RFWD3: variants seen among roughly 807,000 people sequenced by gnomAD.
The protein encoded by RFWD3 is E3 ubiquitin-protein ligase RFWD3.
RFWD3 carries 65 observed loss-of-function variants against 87.7 expected under a neutral mutation model. The ratio of observed to expected loss-of-function variants is 0.74; its 90% CI spans 0.61 to 0.91. The LOEUF is 0.91. RFWD3 is among the 40% of genes least tolerant of loss of function. The pLI, the probability that RFWD3 is intolerant of heterozygous loss-of-function variation, is 0.00. For missense variants in RFWD3, 1,078 were observed against 938.5 expected (o/e 1.15, Z -1.94); for synonymous variants, 433 against 352.8 (o/e 1.23, Z -2.55).
intron 4 of RFWD3, among the ~76,000 whole-genome samples, chr16:74,646,224 A>C (rs1960129527): frequency 6.6e-6 from 1 of 151,816 alleles, no homozygotes; most frequent in Non-Finnish European, 1.5e-5. Context: ...AAAATTTAAA[A>C]AATTAGCCAT....
At chr16:74,643,367 G>C (rs931113584) in intron 6 of RFWD3, among the ~76,000 whole-genome samples, 2 of 152,096 alleles carry the variant, frequency 1.3e-5, no homozygotes, top group Admixed American at 6.5e-5. Context: ...ATTGTATTCT[G>C]TTCATGCATA....
chr16:74,649,256 G>A, intron 3 of RFWD3, 54 bp from the exon 4 acceptor site: 1 of 1,316,582 alleles, frequency 7.6e-7, no homozygotes, highest in Non-Finnish European at 1.0e-6. Context: ...AATAAGATAT[G>A]TCAGGTATGA....
intron 2 of RFWD3, among the ~76,000 whole-genome samples, chr16:74,653,498 AAAAG>A (rs1177240834): frequency 2.0e-5 from 3 of 152,054 alleles, no homozygotes; most frequent in East Asian, 1.9e-4. Context: ...TTCAAAAAAA[AAAAG>A]AAGAAGAAAA....
At chr16:74,652,945 T>C (rs1396877675) in intron 2 of RFWD3, among the ~76,000 whole-genome samples, 4 of 152,126 alleles carry the variant, frequency 2.6e-5, no homozygotes, top group African/African-American at 4.8e-5. Context: ...CCTCCCAAAA[T>C]GCTGGAATTG....
rs1567585057 is a variant in RFWD3, at chr16:74,656,327, A to AAAAAG, written c.519-4210_519-4206dup. ...TCTTGCCAAAAAAAAAAAAAAAAAA[A>AAAAAG]AAAAGAAAAGAAAAGAAATATTTTG... On this transcript the variant is annotated intron_variant, in intron 2 of 12. Coordinates refer to ENST00000361070, the MANE Select transcript of RFWD3 (RefSeq NM_018124.4). Among the ~76,000 whole-genome samples the AAAAAG allele has an allele frequency of 5.9e-5, 9 of 151,290 alleles. 1 individual carries two copies. The highest frequency in any genetic ancestry group is 5.9e-5 in the Non-Finnish European group (4 of 67,866).
In RFWD3 at chr16:74,644,446, T is replaced by C. The variant is rs747206941; in HGVS notation, c.995A>G (p.Lys332Arg). The C allele has an allele frequency of 5.0e-6, 8 of 1,614,146 alleles. No homozygotes were observed. Among genetic ancestry groups the C allele is most frequent in the African/African-American group, 4.0e-5 (3 of 74,942 alleles). ...GACAATGTCACTGTGCCTGGCTTTC[T>C]TGTTGCACTAAAGAACCCAATAGGA... is the stretch of plus-strand genomic sequence containing the variant. ...GQVRKCPQCNKKARHSDIVVL... is the reference protein window; with the variant it reads ...GQVRKCPQCNRKARHSDIVVL... Residue 332 changes from lysine to arginine, a missense_variant, in exon 6 of 13, where the codon AAG becomes AGG. By Grantham distance (26) the Lys-to-Arg change is conservative. Coordinates refer to ENST00000361070, the MANE Select transcript of RFWD3 (RefSeq NM_018124.4).
chr16:74,660,004 G>T (rs1177697210), intron 2 of RFWD3, among the ~76,000 whole-genome samples: 1 of 151,814 alleles, frequency 6.6e-6, no homozygotes, highest in Non-Finnish European at 1.5e-5. Context: ...GCAGTGAGCT[G>T]TGATTGCACC....
chr16:74,624,186 A>C, intron 12 of RFWD3, 115 bp from the exon 13 acceptor site: 3 of 1,256,590 alleles, frequency 2.4e-6, no homozygotes, highest in Middle Eastern at 5.5e-4. Flanking sequence ...CCTGGAGAGC[A>C]AAGCAGGCTG....
chr16:74,664,723 C>T (rs1961740577), intron 1 of RFWD3: 1 of 149,498 alleles, frequency 6.7e-6, no homozygotes, highest in African/African-American at 2.5e-5. Flanking sequence ...CACTCCAGAC[C>T]GGGAGAGAGA....
At chr16:74,632,399 C>CA in intron 9 of RFWD3, 124 bp downstream of exon 9, 1 of 1,172,794 alleles carries the variant, frequency 8.5e-7, no homozygotes, top group East Asian at 2.5e-5. Context: ...CTCAAAAAAA[C>CA]AAAACAAAAC....
At chr16:74,650,481 T>A (rs1960477816) in intron 3 of RFWD3, among the ~76,000 whole-genome samples, 1 of 152,020 alleles carries the variant, frequency 6.6e-6, no homozygotes, top group African/African-American at 2.4e-5. Flanking sequence ...CCTATTTTTT[T>A]AAGATGCTAA....
intron 1 of RFWD3, among the ~76,000 whole-genome samples, chr16:74,662,965 C>A (rs979602884): frequency 2.7e-5 from 4 of 150,334 alleles, no homozygotes; most frequent in Non-Finnish European, 4.4e-5. Context: ...AGTGCAGTGG[C>A]GCGATCTCGG....
In RFWD3 at chr16:74,637,443, A is replaced by G. The variant is rs141695794; in HGVS notation, c.1194+413T>C. Among the ~76,000 whole-genome samples the G allele has an allele frequency of 7.4e-3, 1,134 of 152,236 alleles. 15 individuals are homozygous for G. The highest frequency in any genetic ancestry group is 0.026 in the African/African-American group (1,083 of 41,558). Reference sequence around the variant, plus strand: ...GGTGTTCAAGACTAGCCTGGCCATCATGGTGAAACCCTGTCTCTACTAAAA... The same window carrying G: ...GGTGTTCAAGACTAGCCTGGCCATCGTGGTGAAACCCTGTCTCTACTAAAA... On this transcript the variant is annotated intron_variant, in intron 7 of 12. Coordinates refer to ENST00000361070, the MANE Select transcript of RFWD3 (RefSeq NM_018124.4).
intron 4 of RFWD3, among the ~76,000 whole-genome samples, chr16:74,647,552 T>C (rs1456871906): frequency 1.3e-5 from 2 of 152,044 alleles, no homozygotes; most frequent in African/African-American, 2.4e-5. Flanking sequence ...CTTCCCACAG[T>C]GCTGGGATTA....
At chr16:74,662,686 T>C (rs1347507143) in intron 1 of RFWD3, among the ~76,000 whole-genome samples, 1 of 152,202 alleles carries the variant, frequency 6.6e-6, no homozygotes, top group Non-Finnish European at 1.5e-5. Flanking sequence ...TGGGTTTCAC[T>C]GATGAACAGG....
rs764505318 is a variant in RFWD3, at chr16:74,644,387, T to C, written c.1054A>G (p.Thr352Ala). 3 of 1,614,206 alleles carry C rather than the reference T, an allele frequency of 1.9e-6. No homozygotes were observed. The highest frequency in any genetic ancestry group is 1.7e-4 in the Middle Eastern group (1 of 6,056). The change falls in exon 6 of 13, where the codon ACT becomes GCT. Residue 352 changes from threonine (T) to alanine (A), a missense_variant. Thr to Ala is a moderately conservative substitution (Grantham distance 58). Transcript: ENST00000361070. ...CTTTTCATGCGCTCCTGTTCACTAG[T>C]GTCCAAAGCTCTCAGGGTTCGGGCA... ...LYARTLRALD[T>A]SEQERMKSSL... is the part of the protein sequence containing the mutation.
chr16:74,645,399 A>C (rs1393343792), intron 4 of RFWD3, among the ~76,000 whole-genome samples: 2 of 152,254 alleles, frequency 1.3e-5, no homozygotes, highest in Non-Finnish European at 1.5e-5. Context: ...ATTCTGAGAA[A>C]TGCGTCTTTA....
intron 11 of RFWD3, among the ~76,000 whole-genome samples, chr16:74,628,126 G>A (rs933213343): frequency 1.3e-5 from 2 of 152,148 alleles, no homozygotes; most frequent in African/African-American, 4.8e-5. Context: ...CAGAAGATAC[G>A]AAAGTGATCT....
chr16:74,634,820 GGGA>G (rs1275279038), intron 8 of RFWD3, among the ~76,000 whole-genome samples: 2 of 151,946 alleles, frequency 1.3e-5, no homozygotes, highest in Admixed American at 6.6e-5. Flanking sequence ...AAAAAAAGGG[GGGA>G]AGGGGGGCGC....
Sources: gnomAD v4.1 joint callset for allele counts (sites outside exome capture counted in the v4.1 genomes callset) on GRCh38, gnomAD v4.1.1 for gene constraint, MANE v1.5 for transcripts, NCBI Gene and HGNC (gene_info 2026-07-23, HGNC 2026-07-21) for gene names.